SLC39A8: variants seen among roughly 807,000 people sequenced by gnomAD.
The protein encoded by SLC39A8 is metal cation symporter ZIP8.
A neutral mutation model predicts 40.4 loss-of-function variants in SLC39A8; 15 were observed. The observed-to-expected ratio is 0.37, with a 90% CI of 0.25 to 0.57. The LOEUF is 0.57. Among genes scored for constraint, SLC39A8 ranks in the 20% least tolerant of loss-of-function variants. SLC39A8 has a pLI of 0.75. For synonymous variants in SLC39A8, 223 were observed against 221.6 expected (o/e 1.01, Z -0.06); for missense variants, 472 against 558.8 (o/e 0.84, Z 1.57).
chr4:102,335,761 G>T (rs1735639299), intron 2 of SLC39A8, among the ~76,000 whole-genome samples: 2 of 152,298 alleles, frequency 1.3e-5, no homozygotes, highest in South Asian at 4.1e-4. Flanking sequence ...CCAGTGTTTG[G>T]AGAAAGGGAA....
chr4:102,326,142 T>C (rs1735188751), intron 2 of SLC39A8, among the ~76,000 whole-genome samples: 1 of 152,212 alleles, frequency 6.6e-6, no homozygotes, highest in African/African-American at 2.4e-5. Context: ...TTATCCCATT[T>C]TGCCAAGATC....
chr4:102,314,037 C>A (rs1461041523), intron 3 of SLC39A8, among the ~76,000 whole-genome samples: 1 of 151,996 alleles, frequency 6.6e-6, no homozygotes, highest in African/African-American at 2.4e-5. Flanking sequence ...GCAACCACGC[C>A]AAAAATTATA....
chr4:102,339,447 CA>C (rs1735817963), intron 2 of SLC39A8, among the ~76,000 whole-genome samples: 1 of 152,078 alleles, frequency 6.6e-6, no homozygotes, highest in Non-Finnish European at 1.5e-5. Flanking sequence ...TGACAACAGG[CA>C]ATGCAAAAAA....
At chr4:102,324,248 A>G in intron 2 of SLC39A8, 2 of 363,964 alleles carry the variant, frequency 5.5e-6, no homozygotes, top group East Asian at 1.3e-4. Flanking sequence ...TATAAAAATT[A>G]CCTGAGCGTG....
chr4:102,298,994 T>G (rs1015759745), intron 6 of SLC39A8, among the ~76,000 whole-genome samples: 2 of 147,796 alleles, frequency 1.4e-5, no homozygotes, highest in African/African-American at 5.1e-5. Context: ...CCACCCCAAA[T>G]GATGACTGGA....
intron 3 of SLC39A8, among the ~76,000 whole-genome samples, chr4:102,309,474 G>C (rs1734331144): frequency 6.6e-6 from 1 of 151,948 alleles, no homozygotes; most frequent in Non-Finnish European, 1.5e-5. Context: ...AATACTACTA[G>C]TCCCCACAGA....
Position 102,263,123 on chromosome 4 carries a change from A to C in SLC39A8, c.1304T>G (p.Ile435Ser). Residue 435 changes from isoleucine to serine, a missense_variant, in exon 9 of 9, where the codon ATT becomes AGT. Coordinates refer to ENST00000356736, the MANE Select transcript of SLC39A8 (RefSeq NM_001135146.2). Reference sequence around the variant, plus strand: ...TCCAGTTAACATTCCAGCATTCTGAATCATGAAGAAGGTGAAATCGGTTTT... The same window carrying C: ...TCCAGTTAACATTCCAGCATTCTGACTCATGAAGAAGGTGAAATCGGTTTT... ...GRKTDFTFFM[I>S]QNAGMLTGFT... 4 of 1,613,892 alleles carry C rather than the reference A, an allele frequency of 2.5e-6. No homozygotes were observed. Among genetic ancestry groups the C allele is most frequent in the Non-Finnish European group, 3.4e-6 (4 of 1,179,800 alleles).
At chr4:102,318,492 C>T (rs1465593108) in intron 2 of SLC39A8, among the ~76,000 whole-genome samples, 1 of 152,146 alleles carries the variant, frequency 6.6e-6, no homozygotes, top group Non-Finnish European at 1.5e-5. Flanking sequence ...CTATTTCTGG[C>T]TTCAAACAAT....
chr4:102,263,863 C>A (rs1352423060), intron 8 of SLC39A8, among the ~76,000 whole-genome samples: 1 of 152,048 alleles, frequency 6.6e-6, no homozygotes, highest in African/African-American at 2.4e-5. Context: ...AAGAAGCAAC[C>A]CCTCATTCAT....
chr4:102,323,605 T>C (rs1479298423), intron 2 of SLC39A8, among the ~76,000 whole-genome samples: 2 of 152,222 alleles, frequency 1.3e-5, no homozygotes, highest in East Asian at 3.8e-4. Flanking sequence ...AGGACTACAG[T>C]AATAGCAAAC....
chr4:102,268,069 T>C lies in SLC39A8; in HGVS notation c.851A>G (p.Lys284Arg). 6.2e-7 allele frequency: 1 copy of C among 1,614,168 alleles called. No individual in the cohort carries two copies. The highest frequency in any genetic ancestry group is 8.5e-7 in the Non-Finnish European group (1 of 1,180,016). Reference protein sequence around the residue: ...VSVVSLQDGKKEPSSCTCLKG... With the variant: ...VSVVSLQDGKREPSSCTCLKG... The stretch of plus-strand genomic sequence containing the variant: ...CAAACAGGTACATGAACTTGGCTCT[T>C]TTTTTCCATCCTAGCAGAAAATCAA... The change falls in exon 7 of 9, where the codon AAA (lysine) becomes AGA (arginine). Residue 284 changes from lysine (K) to arginine (R), a missense_variant. Transcript: ENST00000356736.
chr4:102,273,208 G>A (rs991467532), intron 6 of SLC39A8, among the ~76,000 whole-genome samples: 7 of 152,174 alleles, frequency 4.6e-5, no homozygotes, highest in South Asian at 2.1e-4. Flanking sequence ...TGAAATTCTC[G>A]CTGCCAGCAC....
At chr4:102,311,442 A>G (rs945428623) in intron 3 of SLC39A8, among the ~76,000 whole-genome samples, 1 of 152,116 alleles carries the variant, frequency 6.6e-6, no homozygotes, top group Non-Finnish European at 1.5e-5. Flanking sequence ...ATTTCACCTT[A>G]GGTACGACAC....
Position 102,316,103 on chromosome 4 carries a change from G to A in SLC39A8, c.220-273C>T, listed in dbSNP as rs139422417. ...AAGAATTGGTTTGGGCATATCTAAG[G>A]ACTTTATTTAAAATAGGGGTGCACC... On this transcript the variant is annotated intron_variant, in intron 2 of 8. Coordinates refer to ENST00000356736, the MANE Select transcript of SLC39A8 (RefSeq NM_001135146.2). Among the ~76,000 whole-genome samples, 3 of 152,004 alleles carry A rather than the reference G, an allele frequency of 2.0e-5. No homozygotes were observed. The East Asian group carries it at 5.8e-4, about 29-fold the overall frequency.
chr4:102,307,472 A>G lies in SLC39A8; in HGVS notation c.516T>C (p.Thr172=). 1 of 1,613,394 alleles carries G rather than the reference A, an allele frequency of 6.2e-7. No individual in the cohort carries two copies. The highest frequency in any genetic ancestry group is 8.5e-7 in the Non-Finnish European group (1 of 1,179,596). ...GTTGGAAAATTGCATTTGAAAAAAG[A>G]GTCCCAATAGCCAGCCCCACAAAAA... ...LTFFVGLAIG[T]LFSNAIFQLI... is the part of the protein sequence containing the mutation. The change falls in exon 4 of 9, where the codon ACT becomes ACC. Residue 172 remains threonine (T), a synonymous_variant. Transcript: ENST00000356736.
At chr4:102,267,275 A>C (rs991806191) in intron 8 of SLC39A8, among the ~76,000 whole-genome samples, 2 of 152,204 alleles carry the variant, frequency 1.3e-5, no homozygotes, top group Non-Finnish European at 2.9e-5. Flanking sequence ...AAACAATACG[A>C]TTATGTTTTA....
At chr4:102,301,218 A>C (rs990054502) in intron 6 of SLC39A8, among the ~76,000 whole-genome samples, 4 of 152,018 alleles carry the variant, frequency 2.6e-5, no homozygotes, top group Non-Finnish European at 5.9e-5. Flanking sequence ...AGAATATTGA[A>C]GGAATTGTGC....
intron 2 of SLC39A8, among the ~76,000 whole-genome samples, chr4:102,335,317 T>C (rs1735619453): frequency 6.6e-6 from 1 of 152,158 alleles, no homozygotes; most frequent in Admixed American, 6.6e-5. Context: ...GTGTACTGAT[T>C]TTACTGTTCG....
intron 6 of SLC39A8, among the ~76,000 whole-genome samples, chr4:102,282,853 A>G (rs1373690363): frequency 1.3e-5 from 2 of 152,154 alleles, no homozygotes; most frequent in African/African-American, 4.8e-5. Context: ...CAGCCTCCCA[A>G]GTAGCTGGGA....
Sources: gnomAD v4.1 joint callset for allele counts (sites outside exome capture counted in the v4.1 genomes callset) on GRCh38, gnomAD v4.1.1 for gene constraint, MANE v1.5 for transcripts, NCBI Gene and HGNC (gene_info 2026-07-23, HGNC 2026-07-21) for gene names.